Variants in PPFIBP2 observed in about 807,000 individuals in gnomAD.
PPFIBP2 encodes liprin-beta-2.
In PPFIBP2, 118 loss-of-function variants were observed where a neutral mutation model predicts 118.3. That is an observed-to-expected ratio of 1.00 (90% CI 0.86 to 1.16). The LOEUF is 1.16. Among genes scored for constraint, PPFIBP2 ranks in the 50% most tolerant of loss-of-function variants. PPFIBP2 has a pLI of 0.00. For missense variants in PPFIBP2, 1,195 were observed against 1,073.1 expected, an observed-to-expected ratio of 1.11 and a Z score of -1.59; for synonymous variants, 414 against 397.4, an observed-to-expected ratio of 1.04 and a Z score of -0.50.
At position 7,565,764 on chromosome 11, in the gene PPFIBP2, C is replaced by T. The variant is rs758666160; in HGVS notation, c.276C>T (p.Ser92=). The T allele has an allele frequency of 6.2e-7, 1 of 1,613,964 alleles. No homozygotes were observed. The highest frequency in any genetic ancestry group is 1.1e-5 in the South Asian group (1 of 91,072). ...AAYIKEWFEE[S]LSQVNHHSAA... ...ACATAAAGGAATGGTTTGAAGAGAGCTTGGTGAGTAGTCCCGTGGCCTGAT... is the reference window on the plus strand; with the variant it reads ...ACATAAAGGAATGGTTTGAAGAGAGTTTGGTGAGTAGTCCCGTGGCCTGAT... Residue 92 remains serine (S), a synonymous_variant, in exon 3 of 24, where the codon AGC becomes AGT. Transcript: ENST00000299492.
intron 1 of PPFIBP2, among the ~76,000 whole-genome samples, chr11:7,529,481 C>G (rs796236807): frequency 2.6e-5 from 4 of 152,144 alleles, no homozygotes; most frequent in African/African-American, 9.7e-5. Context: ...AACCGGGAGG[C>G]CTTTCTCAGA....
chr11:7,577,749 A>G (rs1162460566), intron 3 of PPFIBP2: 4 of 442,190 alleles, frequency 9.0e-6, no homozygotes, highest in Non-Finnish European at 1.8e-5. Context: ...GGTATTGTCC[A>G]GCAAAGCCCT....
intron 1 of PPFIBP2, among the ~76,000 whole-genome samples, chr11:7,526,303 T>C (rs975359680): frequency 6.6e-6 from 1 of 152,198 alleles, no homozygotes; most frequent in Non-Finnish European, 1.5e-5. Flanking sequence ...TGGGGATCCC[T>C]GGTCAGTCAA....
At chr11:7,521,285 G>A (rs1726981880) in intron 1 of PPFIBP2, among the ~76,000 whole-genome samples, 1 of 152,122 alleles carries the variant, frequency 6.6e-6, no homozygotes, top group Non-Finnish European at 1.5e-5. Context: ...TAGATGGGAG[G>A]CCTAGACACA....
At chr11:7,546,977 A>G (rs1852398127) in intron 1 of PPFIBP2, among the ~76,000 whole-genome samples, 1 of 152,248 alleles carries the variant, frequency 6.6e-6, no homozygotes, top group East Asian at 1.9e-4. Flanking sequence ...GCCTAGCACA[A>G]TGCTGGCTGC....
chr11:7,665,160 T>C, the PPFIBP2 span: 3 of 453,942 alleles, frequency 6.6e-6, no homozygotes, highest in Non-Finnish European at 1.2e-5. Context: ...GAAATGGAGC[T>C]CTTTCCAGCC....
rs1249548024 is a variant in PPFIBP2, at chr11:7,625,779, T to C, written c.714T>C (p.Ala238=). The change falls in exon 8 of 24, where the codon GCT becomes GCC. Residue 238 remains alanine (A), a splice_region_variant and synonymous_variant. Coordinates refer to ENST00000299492, the MANE Select transcript of PPFIBP2 (RefSeq NM_003621.5). ...GGGATCCTCTGTTGCTCTTCCAGGC[T>C]GAAGTCGCCCAGCTGCAAGAACAGG... is the stretch of plus-strand genomic sequence containing the variant. The part of the protein sequence containing the change: ...QYEWKLKATK[A]EVAQLQEQVA... The C allele has an allele frequency of 1.2e-6, 2 of 1,613,958 alleles. No individual in the cohort carries two copies. The highest frequency in any genetic ancestry group is 1.7e-6 in the Non-Finnish European group (2 of 1,179,914).
At chr11:7,583,159 C>T (rs775331115) in intron 3 of PPFIBP2, among the ~76,000 whole-genome samples, 11 of 152,144 alleles carry the variant, frequency 7.2e-5, no homozygotes, top group Non-Finnish European at 1.3e-4. Flanking sequence ...TTTTAAATTC[C>T]TTCTGTAATG....
the PPFIBP2 span, among the ~76,000 whole-genome samples, chr11:7,662,508 G>A: frequency 1.3e-5 from 2 of 151,768 alleles, no homozygotes; most frequent in Admixed American, 1.3e-4. Flanking sequence ...GGTTTCTGCT[G>A]AGAGATCCGC....
intron 6 of PPFIBP2, among the ~76,000 whole-genome samples, chr11:7,614,257 A>C (rs1848386378): frequency 6.6e-6 from 1 of 152,226 alleles, no homozygotes; most frequent in African/African-American, 2.4e-5. Context: ...TCCAGTCAGC[A>C]GTCAGGAAGC....
At chr11:7,604,324 T>C (rs1847055610) in intron 5 of PPFIBP2, among the ~76,000 whole-genome samples, 1 of 152,184 alleles carries the variant, frequency 6.6e-6, no homozygotes, top group African/African-American at 2.4e-5. Flanking sequence ...ATCTCAAAGT[T>C]TGTACATTGG....
chr11:7,539,117 G>C (rs1851515760), intron 1 of PPFIBP2: 1 of 152,174 alleles, frequency 6.6e-6, no homozygotes, highest in Admixed American at 6.5e-5. Flanking sequence ...TCTATTCATT[G>C]ACAAAACAAA....
intron 2 of PPFIBP2, among the ~76,000 whole-genome samples, chr11:7,556,121 G>C (rs1204096562): frequency 6.6e-6 from 1 of 152,112 alleles, no homozygotes; most frequent in African/African-American, 2.4e-5. Context: ...ATTTGGCCTG[G>C]TGTGTTCTGT....
At position 7,648,520 on chromosome 11, in the gene PPFIBP2, C is replaced by A; in HGVS notation, c.1780C>A (p.Pro594Thr). ...TGGCCACACCTTATTGACAGCCACC[C>A]CTCAGGACATGGAAAAGGTAAGGGC... Reference protein sequence around the residue: ...SSGHTLLTATPQDMEKELGIK... With the variant: ...SSGHTLLTATTQDMEKELGIK... The change falls in exon 18 of 24, where the codon CCT (proline) becomes ACT (threonine). Residue 594 changes from proline (P) to threonine (T), a missense_variant. Pro to Thr is a conservative substitution (Grantham distance 38). Transcript: ENST00000299492. The A allele has an allele frequency of 1.2e-6, 2 of 1,614,024 alleles. No homozygotes were observed. Among genetic ancestry groups the A allele is most frequent in the Non-Finnish European group, 1.7e-6 (2 of 1,179,986 alleles).
In PPFIBP2 at chr11:7,577,692, C is replaced by T. The variant is rs1176578188; in HGVS notation, c.279+11925C>T. 16 of 445,232 alleles carry T rather than the reference C, an allele frequency of 3.6e-5. No homozygotes were observed. The East Asian group carries it at 3.7e-4, about 10-fold the overall frequency. 27.6% of individuals were successfully genotyped at this position (445,232 alleles called of 1,614,324 possible). A position where few individuals can be genotyped will look rare whatever the true frequency, so the allele number is the denominator to read the frequency against. Reference sequence around the variant, plus strand: ...TCCGTGGAGATAAGTGAGGGGGAGACGCTTTGGGGTGTTTTGGGGTGTGTG... The same window carrying T: ...TCCGTGGAGATAAGTGAGGGGGAGATGCTTTGGGGTGTTTTGGGGTGTGTG... On this transcript the variant is annotated intron_variant, in intron 3 of 23. Coordinates refer to ENST00000299492, the MANE Select transcript of PPFIBP2 (RefSeq NM_003621.5).
intron 3 of PPFIBP2, among the ~76,000 whole-genome samples, chr11:7,568,403 A>G (rs1293808920): frequency 7.9e-5 from 12 of 152,208 alleles, no homozygotes. Flanking sequence ...ACATGTCCTT[A>G]CAAGACACAA....
At chr11:7,579,963 A>C (rs1043430267) in intron 3 of PPFIBP2, among the ~76,000 whole-genome samples, 16 of 151,478 alleles carry the variant, frequency 1.1e-4, no homozygotes, top group African/African-American at 3.6e-4. Flanking sequence ...AAAAAAAAAC[A>C]AAAAAAACAA....
In PPFIBP2 at chr11:7,616,988, C is replaced by A; in HGVS notation, c.619-3947C>A. 1 of 348,308 alleles carries A rather than the reference C, an allele frequency of 2.9e-6. No individual in the cohort carries two copies. The highest frequency in any genetic ancestry group is 4.0e-6 in the Non-Finnish European group (1 of 247,664). The allele number at this position is 348,308 out of a possible 1,614,324, so 21.6% of individuals were successfully genotyped here. A position where few individuals can be genotyped will look rare whatever the true frequency, so the allele number is the denominator to read the frequency against. ...GAAAGTGGAGGGCCGTCGACAGTGA[C>A]CACTGAGTGCCACCTGCTCCCTGCC... On this transcript the variant is annotated intron_variant, in intron 6 of 23. Transcript: ENST00000299492. The surrounding 1 kb of genome is among the most constrained non-coding windows in gnomAD (Gnocchi z 5.2).
At chr11:7,623,717 C>T (rs1443318153) in intron 7 of PPFIBP2, among the ~76,000 whole-genome samples, 2 of 152,198 alleles carry the variant, frequency 1.3e-5, no homozygotes, top group Admixed American at 6.5e-5. Context: ...ATCCAGATTT[C>T]TAACAGAGAC....
Sources: allele counts gnomAD v4.1 joint callset (sites outside exome capture counted in the v4.1 genomes callset), GRCh38; gene constraint gnomAD v4.1.1; non-coding constraint Gnocchi (gnomAD v3.1); transcripts MANE v1.5; gene names NCBI Gene and HGNC (gene_info 2026-07-23, HGNC 2026-07-21).